NCOR2: variants seen among roughly 807,000 people sequenced by gnomAD.
NCOR2 encodes the protein CTG repeat protein 26.
In NCOR2, 81 loss-of-function variants were observed where a neutral mutation model predicts 262.9. The ratio of observed to expected loss-of-function variants is 0.31; its 90% CI spans 0.26 to 0.37. NCOR2 has a LOEUF of 0.37. Ranked by LOEUF, NCOR2 falls within the 10% of genes least tolerant of loss-of-function variation. The pLI is 1.00. For synonymous variants in NCOR2, 1,659 were observed against 1,559.3 expected (o/e 1.06, Z -1.51); for missense variants, 3,385 against 3,621.4 (o/e 0.93, Z 1.68).
intron 1 of NCOR2, among the ~76,000 whole-genome samples, chr12:124,488,844 C>T (rs930864193): frequency 1.3e-5 from 2 of 152,146 alleles, no homozygotes; most frequent in South Asian, 2.1e-4. Flanking sequence ...ATAGTGCCCA[C>T]GGCAGCCAAC....
exon 43 of NCOR2, chr12:124,332,372 T>C (rs1871112432): frequency 6.2e-7 from 1 of 1,614,082 alleles, no homozygotes; most frequent in African/African-American, 1.3e-5. Flanking sequence ...GATCTCTTGC[T>C]TCTTGGACTT....
intron 11 of NCOR2, among the ~76,000 whole-genome samples, chr12:124,424,978 C>T (rs1237907716): frequency 6.6e-6 from 1 of 152,230 alleles, no homozygotes. Context: ...CAGCCCTCTA[C>T]GTGCAAGTGA....
At chr12:124,462,663 G>C (rs553425525) in intron 5 of NCOR2, among the ~76,000 whole-genome samples, 249 of 152,338 alleles carry the variant, frequency 1.6e-3, no homozygotes, top group Middle Eastern at 6.8e-3. Context: ...CCACAGGACG[G>C]GGTCTGAAGC....
intron 1 of NCOR2, among the ~76,000 whole-genome samples, chr12:124,554,930 A>G (rs1406162904): frequency 6.6e-6 from 1 of 152,220 alleles, no homozygotes; most frequent in Admixed American, 6.5e-5. Flanking sequence ...GTCAGGGCAG[A>G]GACGTGGGCT....
At chr12:124,405,361 G>A (rs1292934986) in intron 13 of NCOR2, among the ~76,000 whole-genome samples, 1 of 152,190 alleles carries the variant, frequency 6.6e-6, no homozygotes, top group Non-Finnish European at 1.5e-5. Flanking sequence ...CCCAGGGCAG[G>A]GGTGCCTTCC....
chr12:124,362,143 G>C, exon 22 of NCOR2: 1 of 1,301,876 alleles, frequency 7.7e-7, no homozygotes, highest in Non-Finnish European at 9.8e-7. Context: ...GTCGGCGGGG[G>C]GTGCCGGGCT....
At chr12:124,364,600 G>A (rs1255079721) in intron 20 of NCOR2, among the ~76,000 whole-genome samples, 1 of 152,236 alleles carries the variant, frequency 6.6e-6, no homozygotes, top group African/African-American at 2.4e-5. Context: ...GCGTGCATTG[G>A]GGTGTGGCTC....
chr12:124,551,359 G>A (rs778347099), intron 1 of NCOR2, among the ~76,000 whole-genome samples: 1 of 152,200 alleles, frequency 6.6e-6, no homozygotes, highest in Non-Finnish European at 1.5e-5. Context: ...GGAGAGCAGC[G>A]CGCACAGATC....
chr12:124,486,319 C>T (rs2047764326), intron 2 of NCOR2, 122 bp downstream of exon 4: 80 of 1,450,564 alleles, frequency 5.5e-5, no homozygotes, highest in Non-Finnish European at 6.3e-5. Flanking sequence ...GGTGAACACA[C>T]GGCCCGACAT....
intron 1 of NCOR2, among the ~76,000 whole-genome samples, chr12:124,488,854 C>T (rs1426105825): frequency 1.3e-5 from 2 of 152,136 alleles, no homozygotes; most frequent in Non-Finnish European, 2.9e-5. Context: ...CGGCAGCCAA[C>T]CATGGTGGAG....
At chr12:124,415,517 G>A (rs1248746794) in intron 13 of NCOR2, among the ~76,000 whole-genome samples, 2 of 152,342 alleles carry the variant, frequency 1.3e-5, no homozygotes, top group East Asian at 3.9e-4. Context: ...CCTGTGGGGG[G>A]TGGCAGGGCC....
At chr12:124,423,706 T>TG (rs1228905294) in intron 11 of NCOR2, among the ~76,000 whole-genome samples, 1 of 152,168 alleles carries the variant, frequency 6.6e-6, no homozygotes, top group Admixed American at 6.5e-5. Flanking sequence ...CCAGGCACAG[T>TG]GGGGGCTCCC....
intron 16 of NCOR2, among the ~76,000 whole-genome samples, chr12:124,393,141 C>T (rs1483972338): frequency 1.3e-5 from 2 of 152,248 alleles, no homozygotes; most frequent in East Asian, 3.8e-4. Context: ...AGCCTCGGGC[C>T]TCTCGCACAG....
Position 124,560,095 on chromosome 12 carries a change from C to T in NCOR2, c.-165+7213G>A, listed in dbSNP as rs764202814. On this transcript the variant is annotated intron_variant, in intron 1 of 32. Transcript: ENST00000458234. Reference sequence around the variant, plus strand: ...GGTTTTAGGGCCTACCTGGAATGACCTTCAAACTCACACCCCTCTCTGGGC... The same window carrying T: ...GGTTTTAGGGCCTACCTGGAATGACTTTCAAACTCACACCCCTCTCTGGGC... Among the ~76,000 whole-genome samples the T allele has an allele frequency of 3.7e-4, 57 of 152,232 alleles. 1 individual carries two copies. The highest frequency in any genetic ancestry group is 6.2e-4 in the South Asian group (3 of 4,832).
At chr12:124,350,880 GA>G in intron 27 of NCOR2, 143 bp from the exon 30 acceptor site, 1 of 878,600 alleles carries the variant, frequency 1.1e-6, no homozygotes, top group Non-Finnish European at 1.7e-6. Flanking sequence ...AAATAGGTAA[GA>G]GTTTGCATGG....
chr12:124,507,902 A>G (rs2049137506), intron 1 of NCOR2, among the ~76,000 whole-genome samples: 1 of 152,222 alleles, frequency 6.6e-6, no homozygotes, highest in Non-Finnish European at 1.5e-5. Flanking sequence ...CAGCTGCCGG[A>G]AACGCCTCCT....
rs950423598 is a variant in NCOR2 at position 124,523,344 on chromosome 12, G to C, written c.-118+12221C>G. On this transcript the variant is annotated intron_variant, in intron 1 of 46. Transcript: ENST00000404621. The surrounding 1 kb of genome is among the most constrained non-coding windows in gnomAD (Gnocchi z 4.0). ...GGGGGCAGGGGGCAGGTGGCTGCCT[G>C]TTCTGGGGCTCCTGGGAACCCACAC... is the stretch of plus-strand genomic sequence containing the variant. Among the ~76,000 whole-genome samples the C allele has an allele frequency of 6.6e-6, 1 of 152,156 alleles. No individual in the cohort carries two copies. Among genetic ancestry groups the C allele is most frequent in the Non-Finnish European group, 1.5e-5 (1 of 68,024 alleles).
At chr12:124,477,683 G>T (rs993330272) in intron 3 of NCOR2, among the ~76,000 whole-genome samples, 1 of 152,244 alleles carries the variant, frequency 6.6e-6, no homozygotes, top group Non-Finnish European at 1.5e-5. Flanking sequence ...GCTTCCCCTG[G>T]TGCTGGGTTT....
At chr12:124,346,363 G>GCCTGAAC (rs1267177921) in intron 31 of NCOR2, among the ~76,000 whole-genome samples, 1 of 152,056 alleles carries the variant, frequency 6.6e-6, no homozygotes, top group Non-Finnish European at 1.5e-5. Context: ...GAGTTCAGTA[G>GCCTGAAC]AATCAGGTCA....
Sources: allele counts gnomAD v4.1 joint callset (sites outside exome capture counted in the v4.1 genomes callset), GRCh38; gene constraint gnomAD v4.1.1; non-coding constraint Gnocchi (gnomAD v3.1); transcripts MANE v1.5; gene names NCBI Gene and HGNC (gene_info 2026-07-23, HGNC 2026-07-21).